The following OCA2 variants were observed in gnomAD, a reference collection of about 807,000 sequenced individuals.
OCA2 encodes OCA2 melanosomal transmembrane protein, also known as P protein.
Under a neutral mutation model 100.2 loss-of-function variants are expected in OCA2, and 77 were observed. The observed-to-expected ratio is 0.77, with a 90% CI of 0.64 to 0.93. The LOEUF (loss-of-function observed/expected upper bound fraction) is 0.93, where lower values mean the gene tolerates loss of function less well. Ranked by LOEUF, OCA2 falls within the 40% of genes least tolerant of loss-of-function variation. OCA2 has a pLI of 0.00. For missense variants in OCA2, 1,062 were observed against 1,089.1 expected (o/e 0.98, Z 0.35); for synonymous variants, 432 against 439.2 (o/e 0.98, Z 0.21).
chr15:27,950,416 A>G, intron 18 of OCA2: 2 of 388,834 alleles, frequency 5.1e-6, no homozygotes. Context: ...CACTGCAGCA[A>G]TTTCTAGATG....
rs1445065712 is a variant in OCA2, at chr15:28,072,292, A to G, written c.227+9356T>C. Among the ~76,000 whole-genome samples, 3 of 151,642 alleles carry G rather than the reference A, an allele frequency of 2.0e-5. No homozygotes were observed. The East Asian group carries it at 5.8e-4, about 29-fold the overall frequency. ...TGCCATCTCCACCACACTGACTATTAGAATATAGTGGAGCAGGCCGGGTGC... is the reference window on the plus strand; with the variant it reads ...TGCCATCTCCACCACACTGACTATTGGAATATAGTGGAGCAGGCCGGGTGC... On this transcript the variant is annotated intron_variant, in intron 2 of 23. Transcript: ENST00000354638.
At chr15:27,770,857 T>TCCATTCTTCCTTCCTCCCTCTTTTC (rs2031726925) in intron 23 of OCA2, among the ~76,000 whole-genome samples, 4 of 78,044 alleles carry the variant, frequency 5.1e-5, no homozygotes, top group African/African-American at 2.6e-4. Flanking sequence ...TTCCTTCCTT[T>TCCATTCTTCCTTCCTCCCTCTTTTC]CTTCCTTCCT....
intron 23 of OCA2, among the ~76,000 whole-genome samples, chr15:27,755,993 G>A (rs1274699588): frequency 2.0e-5 from 3 of 152,192 alleles, no homozygotes; most frequent in South Asian, 2.1e-4. Context: ...TTCTGTAGCC[G>A]GTGAGGTGTG....
At chr15:27,939,506 T>C (rs1286703634) in intron 18 of OCA2, among the ~76,000 whole-genome samples, 1 of 152,244 alleles carries the variant, frequency 6.6e-6, no homozygotes, top group Non-Finnish European at 1.5e-5. Context: ...TGCATTTTAC[T>C]GATGACTTAC....
intron 23 of OCA2, among the ~76,000 whole-genome samples, chr15:27,842,750 T>G (rs1219225591): frequency 6.6e-6 from 1 of 152,226 alleles, no homozygotes; most frequent in Admixed American, 6.5e-5. Context: ...AGGAGACAAC[T>G]GGCAGTCTTG....
chr15:27,860,040 T>C (rs1220526105), intron 21 of OCA2, among the ~76,000 whole-genome samples: 2 of 152,306 alleles, frequency 1.3e-5, no homozygotes, highest in African/African-American at 2.4e-5. Flanking sequence ...TATAATTTTA[T>C]TTAAAAGCAA....
At chr15:27,876,342 C>A (rs1205448632) in intron 19 of OCA2, among the ~76,000 whole-genome samples, 2 of 151,928 alleles carry the variant, frequency 1.3e-5, no homozygotes, top group Non-Finnish European at 1.5e-5. Flanking sequence ...ATTTTATATA[C>A]CATAGCATTT....
At chr15:28,021,749 G>A (rs111973644) in intron 6 of OCA2, among the ~76,000 whole-genome samples, 9 of 152,258 alleles carry the variant, frequency 5.9e-5, no homozygotes, top group African/African-American at 2.2e-4. Flanking sequence ...CTTGGGAAGC[G>A]CATCTAATCT....
downstream of OCA2, chr15:27,754,845 A>ATT (rs2030211217): frequency 6.2e-6 from 1 of 160,260 alleles, no homozygotes; most frequent in African/African-American, 2.4e-5. Context: ...ATAAAATGCA[A>ATT]TTTTACATAA....
intron 9 of OCA2, among the ~76,000 whole-genome samples, chr15:27,990,983 G>A (rs545523201): frequency 1.3e-5 from 2 of 152,336 alleles, no homozygotes; most frequent in South Asian, 4.1e-4. Context: ...TGGCCCATTT[G>A]TTCAGCAACA....
chr15:28,098,596 C>T (rs1412681208), intron 1 of OCA2, among the ~76,000 whole-genome samples: 1 of 152,196 alleles, frequency 6.6e-6, no homozygotes, highest in African/African-American at 2.4e-5. Context: ...GGAGCTTCAC[C>T]GCCGGGCCCC....
rs1258451850 is a variant in OCA2 at position 28,018,443 on chromosome 15, A to C, written c.761T>G (p.Leu254Arg). 1 of 1,614,004 alleles carries C rather than the reference A, an allele frequency of 6.2e-7. No individual in the cohort carries two copies. The highest frequency in any genetic ancestry group is 1.3e-5 in the African/African-American group (1 of 74,936). Residue 254 changes from leucine (L) to arginine (R), a missense_variant, in exon 7 of 24, where the codon CTG becomes CGG. Coordinates refer to ENST00000354638, the MANE Select transcript of OCA2 (RefSeq NM_000275.3). ...PGREEHIVVE[L>R]TQADALGSRW... ...GGAGCCCAAAGCGTCAGCCTGGGTC[A>C]GCTCCACCACGATGTGCTCTTCCCT...
chr15:28,083,841 C>T (rs1458203589), intron 1 of OCA2, among the ~76,000 whole-genome samples: 2 of 152,176 alleles, frequency 1.3e-5, no homozygotes, highest in African/African-American at 4.8e-5. Context: ...TGTAACTGGT[C>T]CTGCTGAGAC....
chr15:27,782,704 T>C (rs1439739173), intron 23 of OCA2, among the ~76,000 whole-genome samples: 1 of 152,194 alleles, frequency 6.6e-6, no homozygotes, highest in Non-Finnish European at 1.5e-5. Flanking sequence ...GACATCTTTC[T>C]CTCTTCCAGT....
intron 2 of OCA2, among the ~76,000 whole-genome samples, chr15:28,060,768 T>A (rs2043849115): frequency 6.6e-6 from 1 of 152,184 alleles, no homozygotes; most frequent in South Asian, 2.1e-4. Context: ...AAATCAGCCC[T>A]GCCATGATGG....
Position 27,871,228 on chromosome 15 carries a change from C to A in OCA2, c.2170G>T (p.Ala724Ser). Residue 724 changes from alanine (A) to serine (S), a missense_variant, in exon 21 of 24, where the codon GCC becomes TCC. Transcript: ENST00000354638. Reference sequence around the variant, plus strand: ...GAGACCCACACCACCAGGACAATGGCGGCTATGAGGCGCTGCTCCTCTGGG... The same window carrying A: ...GAGACCCACACCACCAGGACAATGGAGGCTATGAGGCGCTGCTCCTCTGGG... Reference protein sequence around the residue: ...MVPEEQRLIAAIVLVVWVSAL... With the variant: ...MVPEEQRLIASIVLVVWVSAL... 2 of 1,614,092 alleles carry A rather than the reference C, an allele frequency of 1.2e-6. No homozygotes were observed. The highest frequency in any genetic ancestry group is 1.7e-6 in the Non-Finnish European group (2 of 1,179,988).
At chr15:27,730,599 G>A in the OCA2 span, among the ~76,000 whole-genome samples, 1 of 151,794 alleles carries the variant, frequency 6.6e-6, no homozygotes, top group African/African-American at 2.4e-5. Flanking sequence ...GTTGCTGGCA[G>A]CCAGCCTCCA....
In OCA2 at chr15:27,807,922, T is replaced by C. The variant is rs978114654; in HGVS notation, c.2432+37037A>G. Among the ~76,000 whole-genome samples, 8 of 152,216 alleles carry C rather than the reference T, an allele frequency of 5.3e-5. 1 individual carries two copies. Among genetic ancestry groups the C allele is most frequent in the Admixed American group, 5.2e-4 (8 of 15,274 alleles). On this transcript the variant is annotated intron_variant, in intron 23 of 23. Coordinates refer to ENST00000354638, the MANE Select transcript of OCA2 (RefSeq NM_000275.3). ...ACCGTCAGCTCCACGAGGGCAGGGC[T>C]AGAGGAGTCTACTCCCCTGTACATT... is the stretch of plus-strand genomic sequence containing the variant.
chr15:27,830,473 ATAT>A (rs2034907092), intron 23 of OCA2, among the ~76,000 whole-genome samples: 1 of 152,264 alleles, frequency 6.6e-6, no homozygotes, highest in Admixed American at 6.5e-5. Context: ...AGGAGTACAA[ATAT>A]TATTTAAAGA....
Sources: gnomAD v4.1 joint callset for allele counts (sites outside exome capture counted in the v4.1 genomes callset) on GRCh38, gnomAD v4.1.1 for gene constraint, MANE v1.5 for transcripts, NCBI Gene and HGNC (gene_info 2026-07-23, HGNC 2026-07-21) for gene names.